UMAD1: variants seen among roughly 807,000 people sequenced by gnomAD.
UMAD1 encodes UBAP1-MVB12-associated (UMA)-domain containing protein 1.
Under a neutral mutation model 6.1 loss-of-function variants are expected in UMAD1, and 8 were observed. That is an observed-to-expected ratio of 1.30 (90% CI 0.76 to 2.35). The LOEUF (loss-of-function observed/expected upper bound fraction) is 2.35. UMAD1 is among the 30% of genes most tolerant of loss of function. The pLI is 0.00. For missense variants in UMAD1, 130 were observed against 78.4 expected, an observed-to-expected ratio of 1.66 and a Z score of -2.49; for synonymous variants, 56 against 31.4, an observed-to-expected ratio of 1.78 and a Z score of -2.61.
intron 2 of UMAD1, among the ~76,000 whole-genome samples, chr7:7,759,803 A>G (rs1425088998): frequency 3.3e-5 from 5 of 152,310 alleles, no homozygotes; most frequent in Middle Eastern, 3.4e-3. Flanking sequence ...GGGAAAAAGT[A>G]TAAGACCATG....
intron 2 of UMAD1, among the ~76,000 whole-genome samples, chr7:7,701,815 G>A (rs138919947): frequency 6.6e-6 from 1 of 152,208 alleles, no homozygotes; most frequent in East Asian, 1.9e-4. Context: ...CCATGTCTCG[G>A]ATGACTGTCT....
Position 7,801,715 on chromosome 7 carries a change from C to T in UMAD1, c.128C>T (p.Ser43Leu), listed in dbSNP as rs1163331582. The T allele has an allele frequency of 4.2e-6, 3 of 717,970 alleles. No individual in the cohort carries two copies. Among genetic ancestry groups the T allele is most frequent in the Non-Finnish European group, 7.8e-6 (3 of 385,220 alleles). 44.5% of individuals were successfully genotyped at this position (717,970 alleles called of 1,614,324 possible). ...AGAATGACAGCAAGAGGCAAAACTT[C>T]GGACATAGAGGCCAACCAACCTTTG... ...EQRMTARGKTSDIEANQPLET... is the reference protein window; with the variant it reads ...EQRMTARGKTLDIEANQPLET... The change falls in exon 3 of 4, where the codon TCG becomes TTG. Residue 43 changes from serine to leucine, a missense_variant. Coordinates refer to ENST00000682710, the MANE Select transcript of UMAD1 (RefSeq NM_001302348.2).
intron 2 of UMAD1, among the ~76,000 whole-genome samples, chr7:7,699,055 G>T (rs1028038149): frequency 2.7e-5 from 4 of 150,890 alleles, no homozygotes; most frequent in Admixed American, 6.6e-5. Context: ...TGTGTGGGGG[G>T]GGGGTAGATA....
chr7:7,857,299 G>A (rs1318195884), intron 3 of UMAD1, among the ~76,000 whole-genome samples: 1 of 152,126 alleles, frequency 6.6e-6, no homozygotes, highest in Non-Finnish European at 1.5e-5. Context: ...CTCTTTTCTA[G>A]CCTCTGATAT....
chr7:7,824,442 A>C (rs1783303202), intron 3 of UMAD1, among the ~76,000 whole-genome samples: 1 of 152,110 alleles, frequency 6.6e-6, no homozygotes, highest in Non-Finnish European at 1.5e-5. Context: ...CTCTGACTGC[A>C]ATGCATATCC....
chr7:7,868,316 C>T (rs1201466042), intron 3 of UMAD1: 1 of 152,110 alleles, frequency 6.6e-6, no homozygotes. Flanking sequence ...CTTTCCACCG[C>T]GCCCCCACTC....
intron 3 of UMAD1, among the ~76,000 whole-genome samples, chr7:7,804,097 G>A (rs1005055246): frequency 6.6e-6 from 1 of 152,136 alleles, no homozygotes; most frequent in African/African-American, 2.4e-5. Flanking sequence ...AAGGCTGGAT[G>A]TACATACTCA....
chr7:7,854,411 G>A (rs547113208), intron 3 of UMAD1, among the ~76,000 whole-genome samples: 14 of 147,034 alleles, frequency 9.5e-5, no homozygotes, highest in African/African-American at 2.2e-4. Flanking sequence ...ACAGTTCCAC[G>A]TAGCTGAGGA....
chr7:7,717,276 C>T (rs1191207917), intron 2 of UMAD1, among the ~76,000 whole-genome samples: 7 of 152,030 alleles, frequency 4.6e-5, no homozygotes. Flanking sequence ...TGGCTGGTCT[C>T]GAACTCCTGA....
intron 2 of UMAD1, among the ~76,000 whole-genome samples, chr7:7,720,838 C>A (rs897795263): frequency 6.6e-6 from 1 of 152,068 alleles, no homozygotes; most frequent in Non-Finnish European, 1.5e-5. Context: ...TCTGTCCCCC[C>A]AAAAAGGTAT....
intron 3 of UMAD1, among the ~76,000 whole-genome samples, chr7:7,841,641 A>G (rs992103167): frequency 3.3e-5 from 5 of 152,188 alleles, no homozygotes. Context: ...GCATACGAAA[A>G]TATATTTTAA....
intron 3 of UMAD1, among the ~76,000 whole-genome samples, chr7:7,809,853 C>T (rs540264586): frequency 1.5e-4 from 23 of 152,146 alleles, no homozygotes; most frequent in East Asian, 5.8e-4. Context: ...TCTGTAGGGA[C>T]GCGTTTCCTT....
chr7:7,851,713 C>T (rs1345253669), intron 3 of UMAD1, among the ~76,000 whole-genome samples: 26 of 152,038 alleles, frequency 1.7e-4, no homozygotes, highest in Admixed American at 1.3e-3. Flanking sequence ...TCATATCCTT[C>T]GCTTATTCTT....
intron 3 of UMAD1, among the ~76,000 whole-genome samples, chr7:7,809,144 A>G (rs1782978005): frequency 6.6e-6 from 1 of 151,994 alleles, no homozygotes; most frequent in South Asian, 2.1e-4. Context: ...TAACAATAAA[A>G]ACTGTTTTGC....
At chr7:7,641,448 A>G (rs1456634541) in intron 1 of UMAD1, 1 of 152,210 alleles carries the variant, frequency 6.6e-6, no homozygotes, top group Non-Finnish European at 1.5e-5. Flanking sequence ...GTTAGGCGGA[A>G]TGATTTGCAA....
At chr7:7,761,964 A>C (rs1479539453) in intron 2 of UMAD1, among the ~76,000 whole-genome samples, 3 of 152,136 alleles carry the variant, frequency 2.0e-5, no homozygotes, top group Non-Finnish European at 4.4e-5. Flanking sequence ...GCGCTCAATA[A>C]ATGTTTGTTT....
rs58039932 is a variant in UMAD1, at chr7:7,777,574, A to AATATATATATATATATATATATATATAT, written c.83-24095_83-24068dup. ...ATTTATGTCATTTCATACATGAGCA[A>AATATATATATATATATATATATATATAT]ATATATATATATATATATATATATA... On this transcript the variant is annotated intron_variant, in intron 2 of 3. Transcript: ENST00000682710. Among the ~76,000 whole-genome samples the AATATATATATATATATATATATATATAT allele has an allele frequency of 3.9e-3, 441 of 113,380 alleles. 17 individuals are homozygous for AATATATATATATATATATATATATATAT. The highest frequency in any genetic ancestry group is 5.4e-3 in the Non-Finnish European group (308 of 57,254). 74.4% of individuals were successfully genotyped at this position (113,380 alleles called of 152,430 possible). A position where few individuals can be genotyped will look rare whatever the true frequency, so the allele number is the denominator to read the frequency against.
intron 1 of UMAD1, among the ~76,000 whole-genome samples, chr7:7,648,043 A>C (rs1583690585): frequency 6.6e-6 from 1 of 152,046 alleles, no homozygotes; most frequent in South Asian, 2.1e-4. Flanking sequence ...TTGAATGCTC[A>C]TTTTCTCATT....
chr7:7,776,912 A>G (rs1329054682), intron 2 of UMAD1, among the ~76,000 whole-genome samples: 1 of 152,178 alleles, frequency 6.6e-6, no homozygotes, highest in Non-Finnish European at 1.5e-5. Flanking sequence ...CCTCCTCCAA[A>G]AGTAAACTAC....
Sources: allele counts gnomAD v4.1 joint callset (sites outside exome capture counted in the v4.1 genomes callset), GRCh38; gene constraint gnomAD v4.1.1; transcripts MANE v1.5; gene names NCBI Gene and HGNC (gene_info 2026-07-23, HGNC 2026-07-21).